C12orf42: variants seen among roughly 807,000 people sequenced by gnomAD.
The protein encoded by C12orf42 is uncharacterized protein C12orf42.
A neutral mutation model predicts 21.6 loss-of-function variants in C12orf42; 25 were observed. The ratio of observed to expected loss-of-function variants is 1.16; its 90% CI spans 0.84 to 1.62. C12orf42 has a LOEUF of 1.62. Ranked by LOEUF, C12orf42 falls within the 40% of genes most tolerant of loss-of-function variation. The probability of loss-of-function intolerance (pLI) is 0.00; values close to 1 mark genes in which losing one functional copy is unlikely to be tolerated. For missense variants in C12orf42, 483 were observed against 459.3 expected (o/e 1.05, Z -0.47); for synonymous variants, 174 against 175.0 (o/e 0.99, Z 0.05).
At chr12:103,324,971 T>TA (rs1415458963) in intron 4 of C12orf42, among the ~76,000 whole-genome samples, 1 of 152,228 alleles carries the variant, frequency 6.6e-6, no homozygotes, top group African/African-American at 2.4e-5. Context: ...TGAAGGAAGA[T>TA]ATAATTTGGT....
At chr12:103,056,254 A>T in the C12orf42 span, among the ~76,000 whole-genome samples, 2 of 152,126 alleles carry the variant, frequency 1.3e-5, no homozygotes, top group Non-Finnish European at 2.9e-5. Context: ...TTGCTATGCC[A>T]TCTTTACTTT....
chr12:103,367,056 T>C (rs1313720565), intron 4 of C12orf42, among the ~76,000 whole-genome samples: 2 of 151,952 alleles, frequency 1.3e-5, no homozygotes, highest in African/African-American at 4.8e-5. Context: ...AGCCCAAATG[T>C]CCATCAATCA....
In C12orf42 at chr12:103,314,232, G is replaced by A. The variant is rs146678720; in HGVS notation, c.260-7887C>T. ...GAGAGGTGTTGGGAGGGCAGGAGAGGTGTTGGGAGGACAGGAGAGGTGTTG... is the reference window on the plus strand; with the variant it reads ...GAGAGGTGTTGGGAGGGCAGGAGAGATGTTGGGAGGACAGGAGAGGTGTTG... On this transcript the variant is annotated intron_variant, in intron 4 of 5. Coordinates refer to ENST00000548883, the MANE Select transcript of C12orf42 (RefSeq NM_198521.5). 8.6e-3 allele frequency among the ~76,000 whole-genome samples: 1,311 copies of A among 152,100 alleles called. 11 individuals carry two copies. The highest frequency in any genetic ancestry group is 0.03 in the African/African-American group (1,234 of 41,494).
the C12orf42 span, among the ~76,000 whole-genome samples, chr12:103,196,829 C>T: frequency 1.3e-5 from 2 of 151,992 alleles, no homozygotes; most frequent in Non-Finnish European, 2.9e-5. Context: ...GAGAGGGTCT[C>T]ATGAAGATAA....
chr12:103,520,601 C>T, the C12orf42 span, among the ~76,000 whole-genome samples: 1 of 152,004 alleles, frequency 6.6e-6, no homozygotes, highest in African/African-American at 2.4e-5. Flanking sequence ...GGAGTATAAC[C>T]GAAGCCCAGG....
chr12:103,300,888 A>C (rs1036063889), downstream of C12orf42, among the ~76,000 whole-genome samples: 1 of 152,218 alleles, frequency 6.6e-6, no homozygotes, highest in African/African-American at 2.4e-5. Context: ...CATGTTAATA[A>C]ATGAATAAAA....
the C12orf42 span, among the ~76,000 whole-genome samples, chr12:103,506,870 A>T: frequency 1.4e-5 from 1 of 70,456 alleles, no homozygotes; most frequent in Non-Finnish European, 2.5e-5. Flanking sequence ...ATATATATAT[A>T]TTTATATATT....
chr12:103,222,610 G>C, the C12orf42 span, among the ~76,000 whole-genome samples: 2 of 152,124 alleles, frequency 1.3e-5, no homozygotes, highest in Non-Finnish European at 2.9e-5. Flanking sequence ...ATCTCATCAG[G>C]GCCTTGCAGG....
At chr12:103,150,020 AC>A in the C12orf42 span, among the ~76,000 whole-genome samples, 1 of 152,132 alleles carries the variant, frequency 6.6e-6, no homozygotes, top group South Asian at 2.1e-4. Context: ...TTATTTTCCC[AC>A]CCATATTAAA....
the C12orf42 span, among the ~76,000 whole-genome samples, chr12:103,226,337 C>T: frequency 6.6e-6 from 1 of 152,050 alleles, no homozygotes; most frequent in Non-Finnish European, 1.5e-5. Context: ...GGGCCAGATT[C>T]CAATTTTTGG....
chr12:103,407,816 C>T (rs1458045228), intron 2 of C12orf42, among the ~76,000 whole-genome samples: 2 of 152,138 alleles, frequency 1.3e-5, no homozygotes, highest in Non-Finnish European at 1.5e-5. Context: ...CTCCTGTTGA[C>T]AAAGAATTTT....
chr12:103,306,481 G>T, intron 4 of C12orf42, 136 bp from the exon 5 acceptor site: 1 of 1,026,808 alleles, frequency 9.7e-7, no homozygotes, highest in Non-Finnish European at 1.4e-6. Context: ...AAAAATGACA[G>T]ACTAGGGTAG....
chr12:103,444,226 G>A (rs950758714), intron 2 of C12orf42, among the ~76,000 whole-genome samples: 2 of 151,740 alleles, frequency 1.3e-5, no homozygotes, highest in Non-Finnish European at 2.9e-5. Context: ...TATACTATTT[G>A]TTGTTTCTAA....
the C12orf42 span, chr12:103,505,616 T>C: frequency 7.1e-6 from 2 of 283,464 alleles, no homozygotes; most frequent in Non-Finnish European, 1.3e-5. Context: ...TAGGCTCTGC[T>C]GTAATAAATA....
At chr12:103,105,742 C>T in the C12orf42 span, among the ~76,000 whole-genome samples, 3 of 151,716 alleles carry the variant, frequency 2.0e-5, no homozygotes, top group Non-Finnish European at 2.9e-5. Flanking sequence ...TGTAGAATTT[C>T]ATTTAAACTA....
At chr12:103,078,556 A>C in the C12orf42 span, among the ~76,000 whole-genome samples, 1 of 152,198 alleles carries the variant, frequency 6.6e-6, no homozygotes, top group Non-Finnish European at 1.5e-5. Flanking sequence ...TAATTGTCAA[A>C]CATAATAGTC....
the C12orf42 span, among the ~76,000 whole-genome samples, chr12:103,076,873 T>C: frequency 6.6e-6 from 1 of 152,204 alleles, no homozygotes; most frequent in Admixed American, 6.5e-5. Flanking sequence ...AAAAGGTTAA[T>C]TAAATTTTCC....
the C12orf42 span, among the ~76,000 whole-genome samples, chr12:103,508,801 A>G: frequency 1.3e-5 from 2 of 152,244 alleles, no homozygotes; most frequent in Admixed American, 1.3e-4. Context: ...CCACTTGCCA[A>G]CTGTGACCTT....
intron 2 of C12orf42, among the ~76,000 whole-genome samples, chr12:103,411,704 T>C (rs531190582): frequency 2.0e-5 from 3 of 152,318 alleles, no homozygotes; most frequent in African/African-American, 7.2e-5. Context: ...CCCTCACCAC[T>C]GAATCTATTT....
Sources: gnomAD v4.1 joint callset for allele counts (sites outside exome capture counted in the v4.1 genomes callset) on GRCh38, gnomAD v4.1.1 for gene constraint, MANE v1.5 for transcripts, NCBI Gene and HGNC (gene_info 2026-07-23, HGNC 2026-07-21) for gene names.